The following PCDHA10 variants were observed in gnomAD, a reference collection of about 807,000 sequenced individuals.
The protein encoded by PCDHA10 is protocadherin alpha-10.
PCDHA10 carries 45 observed loss-of-function variants against 61.2 expected under a neutral mutation model. That is an observed-to-expected ratio of 0.74 (90% CI 0.58 to 0.94). PCDHA10 has a LOEUF of 0.94. Among genes scored for constraint, PCDHA10 ranks in the 40% least tolerant of loss-of-function variants. The pLI is 0.00. For synonymous variants in PCDHA10, 602 were observed against 548.8 expected (o/e 1.10, Z -1.35); for missense variants, 1,278 against 1,236.2 (o/e 1.03, Z -0.51).
intron 1 of PCDHA10, among the ~76,000 whole-genome samples, chr5:140,952,166 G>A (rs2094699360): frequency 6.6e-6 from 1 of 152,072 alleles, no homozygotes; most frequent in African/African-American, 2.4e-5. Flanking sequence ...GTGGGGTTCA[G>A]TTCCTGCAGC....
At chr5:140,982,211 A>G (rs1554243869) in intron 2 of PCDHA10, 1 of 476,036 alleles carries the variant, frequency 2.1e-6, no homozygotes, top group African/African-American at 2.0e-5. Flanking sequence ...AGTGAGCGCC[A>G]CATGGCGTTA....
Position 140,858,389 on chromosome 5 carries a change from G to A in PCDHA10, c.2341G>A (p.Asp781Asn). The A allele has an allele frequency of 1.3e-6, 2 of 1,580,024 alleles. 1 individual carries two copies. Among genetic ancestry groups the A allele is most frequent in the Non-Finnish European group, 1.7e-6 (2 of 1,156,144 alleles). The change falls in exon 1 of 4, where the codon GAT (aspartate) becomes AAT (asparagine). Residue 781 changes from aspartate to asparagine, a missense_variant. Physicochemically the swap from Asp to Asn is conservative, Grantham distance 23 (BLOSUM62 1). Transcript: ENST00000307360. The part of the protein sequence containing the change: ...SPSLPPCPMV[D>N]VDGEDQSIGG... ...CAGCCTTCCACCATGCCCAATGGTA[G>A]ATGTGGACGGGGAAGATCAGTCTAT...
intron 1 of PCDHA10, among the ~76,000 whole-genome samples, chr5:140,937,317 G>A (rs1282380622): frequency 1.3e-5 from 2 of 152,048 alleles, no homozygotes; most frequent in Non-Finnish European, 2.9e-5. Context: ...GATTACAGGC[G>A]TGAGCCACCG....
rs782248457 is a variant in PCDHA10, at chr5:140,927,179, C to G, written c.2389-51770C>G. 8 of 1,614,050 alleles carry G rather than the reference C, an allele frequency of 5.0e-6. No individual in the cohort carries two copies. The South Asian group carries it at 8.8e-5, about 18-fold the overall frequency. ...AGGGCCAAAGCTGCCTGCGTCTTGA[C>G]CTACGACCTGGTGCTCGAGGACCCG... On this transcript the variant is annotated intron_variant, in intron 1 of 3. Transcript: ENST00000307360.
At chr5:140,894,997 T>C (rs566489828) in intron 1 of PCDHA10, among the ~76,000 whole-genome samples, 4 of 152,178 alleles carry the variant, frequency 2.6e-5, no homozygotes, top group Non-Finnish European at 5.9e-5. Flanking sequence ...TCCTTTACCC[T>C]TTTTACTTGG....
intron 1 of PCDHA10, among the ~76,000 whole-genome samples, chr5:140,953,076 T>C (rs1276914822): frequency 6.6e-6 from 1 of 152,106 alleles, no homozygotes; most frequent in East Asian, 1.9e-4. Flanking sequence ...ATCTCCAACA[T>C]TGGGGATTAC....
intron 1 of PCDHA10, among the ~76,000 whole-genome samples, chr5:140,977,966 G>A (rs562447024): frequency 3.9e-5 from 6 of 152,004 alleles, no homozygotes; most frequent in South Asian, 4.2e-4. Context: ...CTCAATCTCC[G>A]CCCATGAAAA....
chr5:140,856,754 G>T lies in PCDHA10; in HGVS notation c.706G>T (p.Asp236Tyr). ...GCTGATCCTGGTGTTAGATGCCAAT[G>T]ATAACGCCCCTATCTTTGACAGACC... Reference protein sequence around the residue: ...SLLILVLDANDNAPIFDRPVY... With the variant: ...SLLILVLDANYNAPIFDRPVY... Residue 236 changes from aspartate (D) to tyrosine (Y), a missense_variant, in exon 1 of 4, where the codon GAT (aspartate) becomes TAT (tyrosine). By Grantham distance (160) the Asp-to-Tyr change is radical. Coordinates refer to ENST00000307360, the MANE Select transcript of PCDHA10 (RefSeq NM_018901.4). 6.3e-7 allele frequency: 1 copy of T among 1,596,774 alleles called. No individual in the cohort carries two copies. Among genetic ancestry groups the T allele is most frequent in the Non-Finnish European group, 8.6e-7 (1 of 1,166,646 alleles).
chr5:140,987,011 C>T (rs1266225593), intron 3 of PCDHA10, among the ~76,000 whole-genome samples: 2 of 152,104 alleles, frequency 1.3e-5, no homozygotes, highest in African/African-American at 4.8e-5. Context: ...GTCATGAGTT[C>T]GAGACCAGCC....
At position 140,951,793 on chromosome 5, in the gene PCDHA10, C is replaced by T. The variant is rs536005204; in HGVS notation, c.2389-27156C>T. 5.3e-5 allele frequency among the ~76,000 whole-genome samples: 8 copies of T among 152,244 alleles called. No homozygotes were observed. The South Asian group carries it at 1.7e-3, about 32-fold the overall frequency. On this transcript the variant is annotated intron_variant, in intron 1 of 3. Coordinates refer to ENST00000307360, the MANE Select transcript of PCDHA10 (RefSeq NM_018901.4). ...TTCTTACATTGCAAAATACAATTAT[C>T]CCTTCCCAATGGTCCCTCAAAGTCT...
chr5:140,868,956 C>T (rs2050758654), intron 1 of PCDHA10: 9 of 1,367,630 alleles, frequency 6.6e-6, no homozygotes, highest in Non-Finnish European at 7.9e-6. Flanking sequence ...GAGGCACTCC[C>T]ATACAAAGGA....
intron 1 of PCDHA10, among the ~76,000 whole-genome samples, chr5:140,893,580 G>C (rs555518122): frequency 1.5e-4 from 23 of 152,268 alleles, no homozygotes; most frequent in East Asian, 1.2e-3. Flanking sequence ...GTTTTTGCTT[G>C]TTTGGGAAAT....
intron 1 of PCDHA10, among the ~76,000 whole-genome samples, chr5:140,904,628 A>G (rs2071277621): frequency 6.6e-6 from 1 of 152,002 alleles, no homozygotes; most frequent in African/African-American, 2.4e-5. Context: ...TTAGTTCTTT[A>G]AGGAATCTCC....
intron 3 of PCDHA10, among the ~76,000 whole-genome samples, chr5:140,996,441 C>G (rs2097726719): frequency 6.6e-6 from 1 of 152,146 alleles, no homozygotes; most frequent in Non-Finnish European, 1.5e-5. Context: ...TAGTCAGTGT[C>G]AAGTTGTGGT....
In PCDHA10 at chr5:140,857,236, G is replaced by C; in HGVS notation, c.1188G>C (p.Leu396=). The change falls in exon 1 of 4, where the codon CTG becomes CTC. Residue 396 remains leucine, a synonymous_variant. Transcript: ENST00000307360. ...TGACGCCTCACGTTCCGTTCAAGCTGGTGTCCACCTACAAGAATTACTACT... is the reference window on the plus strand; with the variant it reads ...TGACGCCTCACGTTCCGTTCAAGCTCGTGTCCACCTACAAGAATTACTACT... ...CSLTPHVPFK[L]VSTYKNYYSL... 6.9e-6 allele frequency: 11 copies of C among 1,598,556 alleles called. 1 individual carries two copies. Among genetic ancestry groups the C allele is most frequent in the Non-Finnish European group, 8.6e-6 (10 of 1,167,952 alleles).
At chr5:140,978,799 A>C (rs2096824173) in intron 1 of PCDHA10, 150 bp from the exon 2 acceptor site, 2 of 1,479,066 alleles carry the variant, frequency 1.4e-6, no homozygotes, top group East Asian at 4.9e-5. Flanking sequence ...ATATATGTAG[A>C]TATCATCATA....
chr5:140,952,176 C>G (rs1300041660), intron 1 of PCDHA10, among the ~76,000 whole-genome samples: 1 of 152,058 alleles, frequency 6.6e-6, no homozygotes, highest in African/African-American at 2.4e-5. Flanking sequence ...GTTCCTGCAG[C>G]TGCTCTCATG....
chr5:141,000,639 G>T (rs1375900945), intron 3 of PCDHA10, among the ~76,000 whole-genome samples: 1 of 151,186 alleles, frequency 6.6e-6, no homozygotes, highest in Non-Finnish European at 1.5e-5. Context: ...TGTTGGGCAG[G>T]CTGGTCTCGA....
chr5:140,858,175 G>A lies in PCDHA10; in HGVS notation c.2127G>A (p.Leu709=). Residue 709 remains leucine (L), a synonymous_variant, in exon 1 of 4, where the codon CTG becomes CTA. Transcript: ENST00000307360. ...IIAICAVSSL[L]VLTLLLYTAL... ...CCATCTGCGCGGTGTCCAGCTTGCTGGTGCTCACGCTGCTGCTGTACACTG... is the reference window on the plus strand; with the variant it reads ...CCATCTGCGCGGTGTCCAGCTTGCTAGTGCTCACGCTGCTGCTGTACACTG... 2 of 1,597,716 alleles carry A rather than the reference G, an allele frequency of 1.3e-6. No homozygotes were observed. The highest frequency in any genetic ancestry group is 1.7e-6 in the Non-Finnish European group (2 of 1,167,428).
Sources: allele counts gnomAD v4.1 joint callset (sites outside exome capture counted in the v4.1 genomes callset), GRCh38; gene constraint gnomAD v4.1.1; transcripts MANE v1.5; gene names NCBI Gene and HGNC (gene_info 2026-07-23, HGNC 2026-07-21).